The following C4orf51 variants were observed in gnomAD, a reference collection of about 807,000 sequenced individuals.
C4orf51 encodes chromosome 4 open reading frame 51, also known as uncharacterized protein C4orf51.
C4orf51 carries 25 observed loss-of-function variants against 25.2 expected under a neutral mutation model. The observed-to-expected ratio is 0.99, with a 90% confidence interval of 0.72 to 1.39. The LOEUF (loss-of-function observed/expected upper bound fraction) is 1.39, where lower values mean the gene tolerates loss of function less well. C4orf51 is among the 40% of genes most tolerant of loss of function. The pLI, the probability that C4orf51 is intolerant of heterozygous loss-of-function variation, is 0.00. For synonymous variants in C4orf51, 100 were observed against 84.5 expected (o/e 1.18, Z -1.01); for missense variants, 252 against 239.6 (o/e 1.05, Z -0.34).
At chr4:145,687,011 C>G (rs11737020) in intron 1 of C4orf51, among the ~76,000 whole-genome samples, 34,419 of 97,432 alleles carry the variant, frequency 0.35, 4,113 homozygotes, top group African/African-American at 0.45. Flanking sequence ...GTGGGGGGGG[C>G]GGTTTCCTTC....
chr4:145,728,011 G>A (rs1732194368), intron 3 of C4orf51, among the ~76,000 whole-genome samples: 2 of 126,300 alleles, frequency 1.6e-5, no homozygotes, highest in South Asian at 2.3e-4. Flanking sequence ...TATATAATGT[G>A]TGTATATATA....
Position 145,763,175 on chromosome 4 carries a change from AG to A in C4orf51, n.167-7811del. 1 of 1,515,038 alleles carries A rather than the reference AG, an allele frequency of 6.6e-7. No homozygotes were observed. The highest frequency in any genetic ancestry group is 8.9e-7 in the Non-Finnish European group (1 of 1,129,730). 93.8% of individuals were successfully genotyped at this position (1,515,038 alleles called of 1,614,324 possible). Reference sequence around the variant, plus strand: ...ATCTTATTTGATCTGCATTATGAACAGGATATAGAGTACAAGCAGTTCCATC... The same window carrying A: ...ATCTTATTTGATCTGCATTATGAACAGATATAGAGTACAAGCAGTTCCATC... On this transcript the variant is annotated intron_variant and non_coding_transcript_variant, in intron 1 of 1. Transcript: ENST00000510096. The surrounding 1 kb of genome is among the most constrained non-coding windows in gnomAD (Gnocchi z 4.6).
At chr4:145,702,964 C>A (rs1179201811) in intron 2 of C4orf51, among the ~76,000 whole-genome samples, 1 of 151,788 alleles carries the variant, frequency 6.6e-6, no homozygotes, top group Non-Finnish European at 1.5e-5. Context: ...ATCGCCCATT[C>A]TCTCTCCATA....
chr4:145,752,452 G>T (rs1361990602), intron 1 of C4orf51, among the ~76,000 whole-genome samples: 3 of 152,180 alleles, frequency 2.0e-5, no homozygotes, highest in Non-Finnish European at 4.4e-5. Context: ...CGTGAGCTAG[G>T]GCCTGGAATC....
At chr4:145,702,519 A>T (rs1160961124) in intron 2 of C4orf51, among the ~76,000 whole-genome samples, 1 of 151,662 alleles carries the variant, frequency 6.6e-6, no homozygotes, top group South Asian at 2.1e-4. Flanking sequence ...TGTTAGTCAT[A>T]CTCCTATTCA....
intron 2 of C4orf51, among the ~76,000 whole-genome samples, chr4:145,720,382 C>T (rs752716654): frequency 6.6e-6 from 1 of 152,120 alleles, no homozygotes; most frequent in Non-Finnish European, 1.5e-5. Context: ...TCTCACTTCT[C>T]CTCAGCTATA....
downstream of C4orf51, among the ~76,000 whole-genome samples, chr4:145,733,094 TC>T (rs1732582765): frequency 6.6e-6 from 1 of 151,868 alleles, no homozygotes; most frequent in Admixed American, 6.5e-5. Context: ...GTCGTGGCCC[TC>T]CCGTCCCGGC....
downstream of C4orf51, chr4:145,774,514 T>C (rs373425855): frequency 4.3e-6 from 7 of 1,610,496 alleles, no homozygotes; most frequent in South Asian, 1.1e-5. Flanking sequence ...ACCTGTGTGC[T>C]TGGTGCCAAT....
chr4:145,693,017 GTTTTTT>G (rs36157755), intron 1 of C4orf51, among the ~76,000 whole-genome samples: 58 of 112,598 alleles, frequency 5.2e-4, no homozygotes, highest in Admixed American at 9.0e-4. Context: ...TTTTTCACCT[GTTTTTT>G]TTTTTTTTTT....
intron 1 of C4orf51, among the ~76,000 whole-genome samples, chr4:145,688,478 C>T (rs1729319567): frequency 6.6e-6 from 1 of 152,062 alleles, no homozygotes; most frequent in South Asian, 2.1e-4. Flanking sequence ...GGGGGCAGTT[C>T]CCCCATGCTG....
chr4:145,691,705 T>C (rs1324570813), intron 1 of C4orf51, among the ~76,000 whole-genome samples: 2 of 152,172 alleles, frequency 1.3e-5, no homozygotes, highest in African/African-American at 2.4e-5. Flanking sequence ...CAGCATGTTC[T>C]CACTTATAAG....
At chr4:145,764,953 A>G in intron 1 of C4orf51, 1 of 1,608,710 alleles carries the variant, frequency 6.2e-7, no homozygotes, top group Admixed American at 1.7e-5. Context: ...ATTTAATAAC[A>G]ACGCAGTAAA....
At chr4:145,683,026 C>T (rs1331135320) in intron 1 of C4orf51, among the ~76,000 whole-genome samples, 5 of 151,704 alleles carry the variant, frequency 3.3e-5, no homozygotes, top group African/African-American at 1.2e-4. Flanking sequence ...AAAAAAAAAT[C>T]CCGGAACTAA....
chr4:145,725,254 C>T (rs944141262), intron 2 of C4orf51, among the ~76,000 whole-genome samples: 6 of 151,788 alleles, frequency 4.0e-5, no homozygotes, highest in African/African-American at 1.5e-4. Flanking sequence ...ACTTCACATC[C>T]ATTAGAATGG....
intron 3 of C4orf51, among the ~76,000 whole-genome samples, chr4:145,727,739 G>A (rs955110618): frequency 5.4e-5 from 8 of 149,494 alleles, no homozygotes; most frequent in Admixed American, 1.3e-4. Context: ...AAAATTAGCC[G>A]GGCATGATGG....
Position 145,761,237 on chromosome 4 carries a change from T to C in C4orf51, n.167-9751T>C, listed in dbSNP as rs1734447787. 13 of 1,289,832 alleles carry C rather than the reference T, an allele frequency of 1.0e-5. No individual in the cohort carries two copies. Among genetic ancestry groups the C allele is most frequent in the South Asian group, 1.2e-5 (1 of 81,022 alleles). The allele number at this position is 1,289,832 out of a possible 1,614,324, so 79.9% of individuals were successfully genotyped here. On this transcript the variant is annotated intron_variant and non_coding_transcript_variant, in intron 1 of 1. Transcript: ENST00000510096. The surrounding 1 kb of genome is among the most constrained non-coding windows in gnomAD (Gnocchi z 6.8). ...TGGCGGCTGAAGACGAAAGGGTGTG[T>C]GGTCTTGAACAGGCACTCTTCGCAG...
intron 1 of C4orf51, among the ~76,000 whole-genome samples, chr4:145,690,971 G>C (rs1729524472): frequency 6.6e-6 from 1 of 152,122 alleles, no homozygotes; most frequent in Non-Finnish European, 1.5e-5. Flanking sequence ...GAATTAGCCA[G>C]ATGTGGGGGC....
chr4:145,775,887 G>A (rs576838924), downstream of C4orf51: 30 of 1,614,158 alleles, frequency 1.9e-5, no homozygotes, highest in South Asian at 2.3e-4. Flanking sequence ...CGGAATGGAC[G>A]GTCAAGTGCT....
At chr4:145,720,303 G>C (rs536056880) in intron 2 of C4orf51, among the ~76,000 whole-genome samples, 1 of 152,280 alleles carries the variant, frequency 6.6e-6, no homozygotes, top group East Asian at 1.9e-4. Context: ...CCCAGCAGAG[G>C]AAACTTCCCT....
Sources: allele counts gnomAD v4.1 joint callset (sites outside exome capture counted in the v4.1 genomes callset), GRCh38; gene constraint gnomAD v4.1.1; non-coding constraint Gnocchi (gnomAD v3.1); transcripts MANE v1.5; gene names NCBI Gene and HGNC (gene_info 2026-07-23, HGNC 2026-07-21).